Variants in NCALD observed in about 807,000 individuals in gnomAD.
NCALD encodes neurocalcin-delta.
In NCALD, 10 loss-of-function variants were observed where a neutral mutation model predicts 18.6. That is an observed-to-expected ratio of 0.54 (90% CI 0.33 to 0.91). The LOEUF (loss-of-function observed/expected upper bound fraction) is 0.91. Ranked by LOEUF, NCALD falls within the 40% of genes least tolerant of loss-of-function variation. The pLI is 0.03. For missense variants in NCALD, 184 were observed against 247.6 expected (o/e 0.74, Z 1.72); for synonymous variants, 88 against 87.4 (o/e 1.01, Z -0.04).
intron 1 of NCALD, among the ~76,000 whole-genome samples, chr8:101,780,658 C>T (rs1371682567): frequency 6.6e-6 from 1 of 151,878 alleles, no homozygotes; most frequent in Non-Finnish European, 1.5e-5. Flanking sequence ...AATGGTTGCA[C>T]AACAATGCGA....
chr8:102,078,323 T>C (rs1430003860), intron 1 of NCALD, among the ~76,000 whole-genome samples: 1 of 152,226 alleles, frequency 6.6e-6, no homozygotes, highest in African/African-American at 2.4e-5. Context: ...AATAGTCAGC[T>C]ACCTGGTCTC....
chr8:101,719,484 T>C lies in NCALD; in HGVS notation c.146A>G (p.Lys49Arg), dbSNP rs765293339. 6.2e-7 allele frequency: 1 copy of C among 1,614,220 alleles called. No homozygotes were observed. Among genetic ancestry groups the C allele is most frequent in the East Asian group, 2.2e-5 (1 of 44,886 alleles). Residue 49 changes from lysine to arginine, a missense_variant, in exon 2 of 4, where the codon AAG becomes AGG. By Grantham distance (26) the Lys-to-Arg change is conservative. Coordinates refer to ENST00000220931, the MANE Select transcript of NCALD (RefSeq NM_032041.3). The stretch of plus-strand genomic sequence containing the variant: ...AGGGAAAAAGTTCCCATATATTTTC[T>C]TAAACTCTTCCATTGACAAATGTCC... Reference protein sequence around the residue: ...PSGHLSMEEFKKIYGNFFPYG... With the variant: ...PSGHLSMEEFRKIYGNFFPYG...
At chr8:102,058,766 C>T (rs1465903694) in intron 1 of NCALD, among the ~76,000 whole-genome samples, 2 of 151,844 alleles carry the variant, frequency 1.3e-5, no homozygotes, top group African/African-American at 4.8e-5. Flanking sequence ...CTCCACATGG[C>T]AAAAAAGGAC....
intron 1 of NCALD, among the ~76,000 whole-genome samples, chr8:102,060,238 C>T (rs1177917788): frequency 6.6e-6 from 1 of 151,298 alleles, no homozygotes; most frequent in Admixed American, 6.6e-5. Flanking sequence ...GCCTTGGCCT[C>T]CCAAAATGCT....
At chr8:101,939,176 T>G (rs1191262124) in intron 2 of NCALD, among the ~76,000 whole-genome samples, 1 of 152,186 alleles carries the variant, frequency 6.6e-6, no homozygotes, top group Non-Finnish European at 1.5e-5. Flanking sequence ...GGATAGGAAA[T>G]AGGAATTGCA....
chr8:102,109,672 A>T (rs1825582201), intron 1 of NCALD, among the ~76,000 whole-genome samples: 1 of 152,220 alleles, frequency 6.6e-6, no homozygotes, highest in Non-Finnish European at 1.5e-5. Context: ...TATGTCCACA[A>T]TATATATTTT....
At chr8:102,036,777 C>A (rs1162061852) in intron 1 of NCALD, among the ~76,000 whole-genome samples, 2 of 150,368 alleles carry the variant, frequency 1.3e-5, no homozygotes, top group African/African-American at 5.0e-5. Flanking sequence ...ACAACAACAA[C>A]AACAAAAAAA....
chr8:102,037,235 T>C (rs1224447519), intron 1 of NCALD, among the ~76,000 whole-genome samples: 1 of 152,162 alleles, frequency 6.6e-6, no homozygotes, highest in Non-Finnish European at 1.5e-5. Flanking sequence ...ATAAGTACTA[T>C]TATTGTCCCT....
At position 101,843,318 on chromosome 8, in the gene NCALD, A is replaced by G. The variant is rs149911869; in HGVS notation, c.-20+43823T>C. ...GCTGTGGGAACTTCTCAAAAATGCA[A>G]ATTCTCAGGCCTCACGCTAGACCTA... On this transcript the variant is annotated intron_variant, in intron 4 of 6. Coordinates refer to the NCALD transcript ENST00000311028. Among the ~76,000 whole-genome samples the G allele has an allele frequency of 9.2e-5, 14 of 152,290 alleles. No homozygotes were observed. In the East Asian group the frequency reaches 2.7e-3, roughly 29 times the overall value.
chr8:101,793,204 G>A (rs1260703218), upstream of NCALD, among the ~76,000 whole-genome samples: 2 of 152,034 alleles, frequency 1.3e-5, no homozygotes, highest in East Asian at 3.9e-4. Flanking sequence ...CAAAAAATTA[G>A]CCAGGCATGG....
intron 1 of NCALD, among the ~76,000 whole-genome samples, chr8:101,773,111 C>T (rs1811653139): frequency 2.0e-5 from 3 of 152,090 alleles, no homozygotes; most frequent in Admixed American, 2.0e-4. Flanking sequence ...AGGATTTGAA[C>T]CCCGGCAGTC....
chr8:101,943,467 T>C (rs1819036047), intron 2 of NCALD, among the ~76,000 whole-genome samples: 1 of 152,156 alleles, frequency 6.6e-6, no homozygotes, highest in Non-Finnish European at 1.5e-5. Flanking sequence ...TGAATACAAA[T>C]GACTATGGCT....
At chr8:102,007,983 T>C (rs1421760695) in intron 2 of NCALD, among the ~76,000 whole-genome samples, 1 of 152,234 alleles carries the variant, frequency 6.6e-6, no homozygotes, top group Non-Finnish European at 1.5e-5. Context: ...TTTTGGCAAA[T>C]CAGCAACCTA....
intron 1 of NCALD, among the ~76,000 whole-genome samples, chr8:102,064,733 T>C (rs1424236723): frequency 6.6e-6 from 1 of 152,146 alleles, no homozygotes; most frequent in Non-Finnish European, 1.5e-5. Context: ...TCTAATGATA[T>C]GAAATGTACA....
chr8:101,782,315 G>A (rs1041605015), intron 1 of NCALD, among the ~76,000 whole-genome samples: 1 of 151,872 alleles, frequency 6.6e-6, no homozygotes, highest in Non-Finnish European at 1.5e-5. Context: ...TCACACCTAC[G>A]GAGGGCAAAA....
intron 4 of NCALD, among the ~76,000 whole-genome samples, chr8:101,854,341 C>T (rs927704239): frequency 1.3e-5 from 2 of 152,130 alleles, no homozygotes; most frequent in Non-Finnish European, 2.9e-5. Context: ...TCTCACTCTA[C>T]TTTCAAACTG....
intron 4 of NCALD, among the ~76,000 whole-genome samples, chr8:101,839,118 A>G (rs770281935): frequency 1.6e-4 from 25 of 152,186 alleles, no homozygotes; most frequent in Non-Finnish European, 1.6e-4. Context: ...CAAGTGACTA[A>G]GATATGGGCC....
At chr8:102,026,370 C>A (rs1487755528) in intron 1 of NCALD, among the ~76,000 whole-genome samples, 1 of 152,186 alleles carries the variant, frequency 6.6e-6, no homozygotes, top group African/African-American at 2.4e-5. Context: ...AATAGAGGTA[C>A]AGGAATTGGG....
intron 2 of NCALD, among the ~76,000 whole-genome samples, chr8:101,980,794 G>A (rs1310792373): frequency 1.3e-5 from 2 of 152,124 alleles, no homozygotes; most frequent in South Asian, 4.1e-4. Flanking sequence ...AGTCACTGGC[G>A]GTATTCATGT....
Sources: allele counts gnomAD v4.1 joint callset (sites outside exome capture counted in the v4.1 genomes callset), GRCh38; gene constraint gnomAD v4.1.1; transcripts MANE v1.5; gene names NCBI Gene and HGNC (gene_info 2026-07-23, HGNC 2026-07-21).